The following SAMD12 variants were observed in gnomAD, a reference collection of about 807,000 sequenced individuals.
SAMD12 encodes sterile alpha motif domain containing 12, also known as sterile alpha motif domain-containing protein 12.
In SAMD12, 9 loss-of-function variants were observed where a neutral mutation model predicts 15.0. The observed-to-expected ratio is 0.60, with a 90% CI of 0.36 to 1.05. The LOEUF is 1.05. SAMD12 is among the 50% of genes least tolerant of loss of function. The pLI is 0.01. For synonymous variants in SAMD12, 86 were observed against 90.1 expected (o/e 0.96, Z 0.25); for missense variants, 230 against 234.2 (o/e 0.98, Z 0.12).
chr8:118,200,998 C>T (rs1209050460), intron 4 of SAMD12, among the ~76,000 whole-genome samples: 1 of 152,162 alleles, frequency 6.6e-6, no homozygotes, highest in African/African-American at 2.4e-5. Context: ...CACACCTGGA[C>T]CCTTGAACCT....
chr8:118,388,352 T>C (rs1369405924), intron 3 of SAMD12, among the ~76,000 whole-genome samples: 2 of 152,332 alleles, frequency 1.3e-5, no homozygotes, highest in East Asian at 1.9e-4. Flanking sequence ...AGAACTAATA[T>C]AATAAGCACT....
chr8:118,321,149 ATAT>A (rs1563761495), intron 4 of SAMD12, among the ~76,000 whole-genome samples: 296 of 12,550 alleles, frequency 0.024, 13 homozygotes, highest in African/African-American at 0.061. Context: ...TAATAAATAT[ATAT>A]ATATATATAT....
At chr8:118,585,343 T>C (rs111941317) in intron 1 of SAMD12, among the ~76,000 whole-genome samples, 14 of 152,286 alleles carry the variant, frequency 9.2e-5, no homozygotes, top group African/African-American at 3.4e-4. Flanking sequence ...TTTGGGATGA[T>C]GAAAACTCTC....
At chr8:118,587,245 CTAATA>C (rs1827475406) in intron 1 of SAMD12, among the ~76,000 whole-genome samples, 2 of 152,182 alleles carry the variant, frequency 1.3e-5, no homozygotes, top group Admixed American at 6.5e-5. Context: ...TAACACTTCC[CTAATA>C]TAATATACAC....
chr8:118,160,840 G>A, the SAMD12 span, among the ~76,000 whole-genome samples: 3 of 151,900 alleles, frequency 2.0e-5, no homozygotes, highest in Non-Finnish European at 2.9e-5. Context: ...TGTGCACAAC[G>A]TGCAGGTTTG....
At chr8:118,572,401 G>C (rs997180753) in intron 2 of SAMD12, among the ~76,000 whole-genome samples, 1 of 152,174 alleles carries the variant, frequency 6.6e-6, no homozygotes, top group African/African-American at 2.4e-5. Flanking sequence ...AGGCATGATT[G>C]GTTTTGAAAT....
At chr8:118,269,218 CTCTGTGTG>C (rs747671413) in intron 4 of SAMD12, among the ~76,000 whole-genome samples, 143 of 115,710 alleles carry the variant, frequency 1.2e-3, no homozygotes, top group African/African-American at 3.6e-3. Context: ...CTCTCTCTCT[CTCTGTGTG>C]TGTGTGTGTG....
At chr8:118,258,274 T>C (rs1385542659) in intron 4 of SAMD12, among the ~76,000 whole-genome samples, 2 of 152,166 alleles carry the variant, frequency 1.3e-5, no homozygotes, top group Non-Finnish European at 2.9e-5. Flanking sequence ...ACTATTATTG[T>C]TCTCTCTCTA....
At chr8:118,431,251 T>G (rs190926992) in intron 3 of SAMD12, among the ~76,000 whole-genome samples, 148 of 152,344 alleles carry the variant, frequency 9.7e-4, no homozygotes, top group Non-Finnish European at 8.1e-4. Flanking sequence ...TTATTGTTAT[T>G]ATTGCTTTAA....
At chr8:118,186,693 T>C (rs1819248483), downstream of SAMD12, among the ~76,000 whole-genome samples, 1 of 152,162 alleles carries the variant, frequency 6.6e-6, no homozygotes, top group Admixed American at 6.6e-5. Context: ...AAAAATTCAA[T>C]GTTTACTAGT....
chr8:118,407,944 C>A (rs929432046), intron 3 of SAMD12, among the ~76,000 whole-genome samples: 1 of 152,108 alleles, frequency 6.6e-6, no homozygotes, highest in East Asian at 1.9e-4. Flanking sequence ...ACCCCCATAG[C>A]CATACTCTGG....
At chr8:118,581,957 T>A (rs1249792457) in intron 1 of SAMD12, among the ~76,000 whole-genome samples, 1 of 152,084 alleles carries the variant, frequency 6.6e-6, no homozygotes, top group Non-Finnish European at 1.5e-5. Flanking sequence ...TTACCCAACA[T>A]CTTTAGGCTT....
the SAMD12 span, among the ~76,000 whole-genome samples, chr8:118,175,070 G>A: frequency 6.6e-6 from 1 of 151,276 alleles, no homozygotes; most frequent in Non-Finnish European, 1.5e-5. Flanking sequence ...ACAAAAACCG[G>A]GAGGCATCAT....
chr8:118,463,866 G>A lies in SAMD12; in HGVS notation c.193-23905C>T, dbSNP rs942547472. 2.6e-5 allele frequency among the ~76,000 whole-genome samples: 4 copies of A among 152,084 alleles called. No homozygotes were observed. In the South Asian group the frequency reaches 6.2e-4, roughly 24 times the overall value. ...ACTCAATTACTGGGTTTGGCAGGAG[G>A]AGGAGGGAAAAGTATGGTTTTGGCA... On this transcript the variant is annotated intron_variant, in intron 2 of 3. Coordinates refer to ENST00000314727, the MANE Select transcript of SAMD12 (RefSeq NM_207506.3).
At chr8:118,420,376 C>T (rs1046322046) in intron 3 of SAMD12, among the ~76,000 whole-genome samples, 3 of 152,062 alleles carry the variant, frequency 2.0e-5, no homozygotes, top group Non-Finnish European at 4.4e-5. Context: ...GCCAAAGAAG[C>T]GGGGACAGGG....
intron 2 of SAMD12, among the ~76,000 whole-genome samples, chr8:118,477,029 C>A (rs1281834347): frequency 6.6e-6 from 1 of 151,896 alleles, no homozygotes; most frequent in East Asian, 1.9e-4. Context: ...TGAATTACAG[C>A]ACCGAGATGG....
chr8:118,561,437 A>G (rs1484700371), intron 2 of SAMD12, among the ~76,000 whole-genome samples: 1 of 152,244 alleles, frequency 6.6e-6, no homozygotes, highest in Non-Finnish European at 1.5e-5. Flanking sequence ...AATAATAAAG[A>G]CATACCTGAG....
the SAMD12 span, among the ~76,000 whole-genome samples, chr8:118,142,009 C>T: frequency 6.6e-6 from 1 of 152,158 alleles, no homozygotes; most frequent in African/African-American, 2.4e-5. Context: ...TGAAATGATA[C>T]CTTCTAGGCT....
intron 2 of SAMD12, among the ~76,000 whole-genome samples, chr8:118,471,903 AC>A (rs201871100): frequency 0.022 from 3,385 of 152,302 alleles, 115 homozygotes; most frequent in African/African-American, 0.077. Context: ...TATAGAAAAA[AC>A]AAAACAAAAC....
Sources: gnomAD v4.1 joint callset for allele counts (sites outside exome capture counted in the v4.1 genomes callset) on GRCh38, gnomAD v4.1.1 for gene constraint, MANE v1.5 for transcripts, NCBI Gene and HGNC (gene_info 2026-07-23, HGNC 2026-07-21) for gene names.